The following KANK1 variants were observed in gnomAD, a reference collection of about 807,000 sequenced individuals.
The protein encoded by KANK1 is KN motif and ankyrin repeat domain-containing protein 1.
KANK1 carries 109 observed loss-of-function variants against 106.2 expected under a neutral mutation model. That is an observed-to-expected ratio of 1.03 (90% confidence interval 0.88 to 1.20). The LOEUF is 1.20. Among genes scored for constraint, KANK1 ranks in the 50% most tolerant of loss-of-function variants. The probability of loss-of-function intolerance (pLI) is 0.00; values close to 1 mark genes in which losing one functional copy is unlikely to be tolerated. For synonymous variants in KANK1, 873 were observed against 652.2 expected (o/e 1.34, Z -5.16); for missense variants, 2,399 against 1,710.7 (o/e 1.40, Z -7.10).
At chr9:647,261 C>T (rs1839878848) in intron 1 of KANK1, among the ~76,000 whole-genome samples, 1 of 127,420 alleles carries the variant, frequency 7.8e-6, no homozygotes, top group African/African-American at 4.1e-5. Context: ...TATTTCTGTT[C>T]TCATTAATTT....
chr9:534,132 C>T (rs746915971), intron 1 of KANK1, among the ~76,000 whole-genome samples: 5 of 152,112 alleles, frequency 3.3e-5, no homozygotes, highest in South Asian at 2.1e-4. Flanking sequence ...CTGCCTATCT[C>T]GATTTGCTTG....
chr9:491,270 A>ATT (rs1313946480), intron 3 of KANK1, among the ~76,000 whole-genome samples: 3 of 140,752 alleles, frequency 2.1e-5, no homozygotes, highest in African/African-American at 8.5e-5. Flanking sequence ...CCTGGAGTGC[A>ATT]TTTTCTTTTT....
intron 1 of KANK1, among the ~76,000 whole-genome samples, chr9:670,674 G>A (rs751864774): frequency 4.6e-5 from 7 of 152,128 alleles, no homozygotes; most frequent in African/African-American, 1.4e-4. Flanking sequence ...AGCTTCCAGG[G>A]CTGGAGATGG....
chr9:630,921 C>T (rs1160974134), intron 1 of KANK1, among the ~76,000 whole-genome samples: 1 of 151,798 alleles, frequency 6.6e-6, no homozygotes, highest in Non-Finnish European at 1.5e-5. Context: ...TGCCGCCACA[C>T]CCTAGCCTGG....
chr9:725,992 A>T (rs1307596321), intron 3 of KANK1, among the ~76,000 whole-genome samples: 1 of 152,252 alleles, frequency 6.6e-6, no homozygotes, highest in Non-Finnish European at 1.5e-5. Flanking sequence ...AAAAAGTTAT[A>T]GTAGCCTGTG....
rs1396239844 is a variant in KANK1, at chr9:711,751, G to A, written c.985G>A (p.Ala329Thr). 30 of 1,614,076 alleles carry A rather than the reference G, an allele frequency of 1.9e-5. No homozygotes were observed. The highest frequency in any genetic ancestry group is 2.7e-5 in the African/African-American group (2 of 74,928). The change falls in exon 3 of 12, where the codon GCC becomes ACC. Residue 329 changes from alanine (A) to threonine (T), a missense_variant. Ala to Thr is a moderately conservative substitution (Grantham distance 58, BLOSUM62 0). Coordinates refer to ENST00000382297, the MANE Select transcript of KANK1 (RefSeq NM_015158.5). ...GAAGCGGTCCTATAGTGCGGGGAACGCCTCCCAGCTGGAACAGCTCTCCCG... is the reference window on the plus strand; with the variant it reads ...GAAGCGGTCCTATAGTGCGGGGAACACCTCCCAGCTGGAACAGCTCTCCCG... ...VRKRSYSAGNASQLEQLSRAR... is the reference protein window; with the variant it reads ...VRKRSYSAGNTSQLEQLSRAR...
intron 3 of KANK1, among the ~76,000 whole-genome samples, chr9:485,869 C>CAA (rs58910749): frequency 0.013 from 1,301 of 98,268 alleles, 8 homozygotes; most frequent in Middle Eastern, 0.03. Flanking sequence ...AGAATTGTCT[C>CAA]AAAAAAAAAA....
chr9:601,454 T>C (rs1229350400), intron 1 of KANK1, among the ~76,000 whole-genome samples: 1 of 151,908 alleles, frequency 6.6e-6, no homozygotes, highest in Non-Finnish European at 1.5e-5. Context: ...AGTTATTTTG[T>C]GGAATGACTA....
chr9:703,392 A>T (rs980181672), intron 2 of KANK1, among the ~76,000 whole-genome samples: 2 of 152,014 alleles, frequency 1.3e-5, no homozygotes, highest in Non-Finnish European at 2.9e-5. Context: ...TTTCTTAAAA[A>T]TTTTTCCTCT....
At chr9:520,485 T>C (rs1374503236) in intron 1 of KANK1, among the ~76,000 whole-genome samples, 1 of 151,762 alleles carries the variant, frequency 6.6e-6, no homozygotes, top group Non-Finnish European at 1.5e-5. Flanking sequence ...AGAAGTGTGG[T>C]TAATTCTTCC....
chr9:472,875 G>T lies in KANK1; in HGVS notation c.-441-319G>T, dbSNP rs184706559. Among the ~76,000 whole-genome samples, 24 of 152,268 alleles carry T rather than the reference G, an allele frequency of 1.6e-4. No individual in the cohort carries two copies. The East Asian group carries it at 4.4e-3, about 28-fold the overall frequency. Reference sequence around the variant, plus strand: ...ATCTTGGATTTCTGGCCCCAATTCAGCCTCCTAATGGTCAGCATGAGAGCA... The same window carrying T: ...ATCTTGGATTTCTGGCCCCAATTCATCCTCCTAATGGTCAGCATGAGAGCA... On this transcript the variant is annotated intron_variant, in intron 2 of 15. Transcript: ENST00000382303.
chr9:531,002 G>A (rs554109598), intron 1 of KANK1, among the ~76,000 whole-genome samples: 6 of 151,938 alleles, frequency 3.9e-5, no homozygotes, highest in African/African-American at 1.4e-4. Context: ...AACTTTAAAG[G>A]AAACTGATCA....
chr9:577,410 CAG>C (rs1034365562), intron 1 of KANK1, among the ~76,000 whole-genome samples: 17 of 152,224 alleles, frequency 1.1e-4, no homozygotes, highest in South Asian at 6.2e-4. Context: ...CCTTTAGACA[CAG>C]AGCGCTGATT....
intron 1 of KANK1, among the ~76,000 whole-genome samples, chr9:655,132 G>A (rs1302239189): frequency 2.0e-5 from 3 of 152,140 alleles, no homozygotes; most frequent in Non-Finnish European, 4.4e-5. Context: ...CACTCTAGGA[G>A]GCCAAGGCGA....
chr9:734,801 T>A lies in KANK1; in HGVS notation c.3299T>A (p.Ile1100Lys). 2 of 1,613,902 alleles carry A rather than the reference T, an allele frequency of 1.2e-6. No homozygotes were observed. Among genetic ancestry groups the A allele is most frequent in the South Asian group, 1.1e-5 (1 of 91,080 alleles). The change falls in exon 7 of 12, where the codon ATA (isoleucine) becomes AAA (lysine). Residue 1100 changes from isoleucine (I) to lysine (K), a missense_variant. Ile to Lys is a moderately radical substitution (Grantham distance 102). Transcript: ENST00000382297. Reference protein sequence around the residue: ...LSACNLLKNTINDPKALTSKD... With the variant: ...LSACNLLKNTKNDPKALTSKD... ...GCATGCAACTTACTGAAAAATACTATAAATGACCCCAAAGCTTTGACCAGC... is the reference window on the plus strand; with the variant it reads ...GCATGCAACTTACTGAAAAATACTAAAAATGACCCCAAAGCTTTGACCAGC...
chr9:694,509 A>C (rs1447859864), intron 2 of KANK1, among the ~76,000 whole-genome samples: 2 of 152,220 alleles, frequency 1.3e-5, no homozygotes, highest in Non-Finnish European at 2.9e-5. Flanking sequence ...GGTTGCACTT[A>C]GGAGCCCATG....
At chr9:659,019 C>G (rs187302399) in intron 1 of KANK1, among the ~76,000 whole-genome samples, 63 of 152,248 alleles carry the variant, frequency 4.1e-4, no homozygotes, top group African/African-American at 1.1e-3. Flanking sequence ...GTTTTTTTCT[C>G]CTTCGTAGCA....
At position 695,605 on chromosome 9, in the gene KANK1, T is replaced by A. The variant is rs562873256; in HGVS notation, c.38-15199T>A. ...ATCACAAATACCTTAAACCCTGACT[T>A]CGTGGGGGGGGGGGCAAGGTATAGA... is the stretch of plus-strand genomic sequence containing the variant. On this transcript the variant is annotated intron_variant, in intron 2 of 11. Transcript: ENST00000382297. Among the ~76,000 whole-genome samples, 38 of 145,430 alleles carry A rather than the reference T, an allele frequency of 2.6e-4. 2 individuals carry two copies. In the South Asian group the frequency reaches 8.1e-3, roughly 31 times the overall value.
chr9:491,987 A>T (rs1040956096), intron 3 of KANK1: 1 of 152,192 alleles, frequency 6.6e-6, no homozygotes, highest in Admixed American at 6.5e-5. Flanking sequence ...AGCTACATGG[A>T]ACTGTAAGTC....
Sources: gnomAD v4.1 joint callset for allele counts (sites outside exome capture counted in the v4.1 genomes callset) on GRCh38, gnomAD v4.1.1 for gene constraint, MANE v1.5 for transcripts, NCBI Gene and HGNC (gene_info 2026-07-23, HGNC 2026-07-21) for gene names.